LMLN: variants seen among roughly 807,000 people sequenced by gnomAD.
LMLN encodes the protein leishmanolysin like peptidase, also known as leishmanolysin-like peptidase.
A neutral mutation model predicts 92.3 loss-of-function variants in LMLN; 70 were observed. The observed-to-expected ratio is 0.76, with a 90% CI of 0.63 to 0.92. The LOEUF (loss-of-function observed/expected upper bound fraction) is 0.92, where lower values mean the gene tolerates loss of function less well. LMLN is among the 40% of genes least tolerant of loss of function. The pLI is 0.00. For synonymous variants in LMLN, 308 were observed against 296.2 expected (o/e 1.04, Z -0.41); for missense variants, 691 against 814.6 (o/e 0.85, Z 1.85).
At chr3:198,016,229 A>G (rs922401256) in intron 11 of LMLN, among the ~76,000 whole-genome samples, 3 of 151,426 alleles carry the variant, frequency 2.0e-5, no homozygotes, top group African/African-American at 7.3e-5. Flanking sequence ...AGAAAATACT[A>G]TTCTCATCTT....
exon 16 of LMLN, chr3:198,040,244 C>G (rs1023439376): frequency 6.6e-6 from 1 of 152,204 alleles, no homozygotes. Flanking sequence ...TTAAGTAAGA[C>G]TCAGTCCACA....
intron 11 of LMLN, among the ~76,000 whole-genome samples, chr3:198,005,627 T>G (rs1052664926): frequency 6.7e-6 from 1 of 149,778 alleles, no homozygotes; most frequent in Admixed American, 6.6e-5. Context: ...TTTTCTTTTC[T>G]TTTTCTTTTT....
chr3:198,033,039 C>G (rs2109955210), intron 14 of LMLN, among the ~76,000 whole-genome samples: 1 of 152,302 alleles, frequency 6.6e-6, no homozygotes, highest in South Asian at 2.1e-4. Flanking sequence ...TTTGATCCAG[C>G]TTTCCTGAGT....
chr3:197,980,477 A>G (rs200484967), exon 6 of LMLN: 31 of 1,613,818 alleles, frequency 1.9e-5, no homozygotes, highest in Admixed American at 1.7e-4. Flanking sequence ...TATGCAGCCT[A>G]TTGTCAGCAG....
At chr3:197,989,056 A>T (rs79691209) in intron 8 of LMLN, among the ~76,000 whole-genome samples, 230 of 152,200 alleles carry the variant, frequency 1.5e-3, no homozygotes, top group African/African-American at 5.1e-3. Context: ...TCTCTTGTAG[A>T]TATATAGTTA....
intron 14 of LMLN, among the ~76,000 whole-genome samples, chr3:198,034,572 C>A (rs1232747195): frequency 6.6e-6 from 1 of 152,064 alleles, no homozygotes; most frequent in Non-Finnish European, 1.5e-5. Context: ...GATCATGCCA[C>A]TGCACTCCAG....
In LMLN at chr3:197,972,704, T is replaced by G. The variant is rs1052734802; in HGVS notation, c.220-1673T>G. On this transcript the variant is annotated intron_variant, in intron 1 of 15. Transcript: ENST00000330198. Reference sequence around the variant, plus strand: ...ATTCTGTTGTATTTCTCTGAATAATTTTTTTTTTTTTGTAGCTGGCGTTTA... The same window carrying G: ...ATTCTGTTGTATTTCTCTGAATAATGTTTTTTTTTTTGTAGCTGGCGTTTA... 6.2e-5 allele frequency among the ~76,000 whole-genome samples: 8 copies of G among 129,708 alleles called. No homozygotes were observed. The South Asian group carries it at 1.8e-3, about 28-fold the overall frequency. 85.1% of individuals were successfully genotyped at this position (129,708 alleles called of 152,430 possible).
At chr3:198,026,216 A>G (rs1722927803) in intron 14 of LMLN, among the ~76,000 whole-genome samples, 1 of 152,112 alleles carries the variant, frequency 6.6e-6, no homozygotes, top group African/African-American at 2.4e-5. Context: ...TCAGCCTCCC[A>G]AAGTGCTGGG....
chr3:197,975,970 A>T, intron 3 of LMLN, 59 bp from the exon 4 acceptor site: 2 of 1,047,340 alleles, frequency 1.9e-6, no homozygotes, highest in Non-Finnish European at 2.8e-6. Flanking sequence ...TGCTTCTTTT[A>T]AATATAATTT....
chr3:198,022,966 G>T (rs899718382), intron 13 of LMLN, among the ~76,000 whole-genome samples: 6 of 152,184 alleles, frequency 3.9e-5, no homozygotes, highest in Non-Finnish European at 7.3e-5. Context: ...ATTTGCCAGA[G>T]ATGTACTATC....
At chr3:197,976,533 G>C (rs1476367716) in intron 4 of LMLN, 65 bp from the exon 5 acceptor site, 2 of 902,686 alleles carry the variant, frequency 2.2e-6, no homozygotes, top group African/African-American at 3.4e-5. Flanking sequence ...TGGTTTCCAT[G>C]TTTTTAACTG....
intron 9 of LMLN, among the ~76,000 whole-genome samples, chr3:197,991,559 G>A (rs1043641221): frequency 6.6e-5 from 10 of 152,114 alleles, no homozygotes; most frequent in African/African-American, 2.4e-4. Context: ...GTCAGTCTTT[G>A]TTCTCTTCCG....
At chr3:198,041,977 T>G (rs753627716) in exon 16 of LMLN, 15 of 152,220 alleles carry the variant, frequency 9.9e-5, no homozygotes, top group Non-Finnish European at 2.1e-4. Flanking sequence ...GAAAATATTA[T>G]AGATGACATT....
At chr3:198,029,531 G>A (rs1237309220) in intron 14 of LMLN, among the ~76,000 whole-genome samples, 1 of 152,084 alleles carries the variant, frequency 6.6e-6, no homozygotes, top group Non-Finnish European at 1.5e-5. Context: ...AATTAGCCGG[G>A]CATGGTGGCC....
intron 10 of LMLN, among the ~76,000 whole-genome samples, chr3:197,997,040 C>CTTTTCT (rs373634190): frequency 7.8e-6 from 1 of 127,918 alleles, no homozygotes; most frequent in African/African-American, 3.2e-5. Flanking sequence ...CTTTTCTTTT[C>CTTTTCT]TTTCTTTCTT....
exon 16 of LMLN, chr3:198,041,734 C>T (rs1723409804): frequency 6.6e-6 from 1 of 152,076 alleles, no homozygotes; most frequent in Admixed American, 6.5e-5. Flanking sequence ...TAAACATATA[C>T]TTCTTATGAT....
chr3:198,027,746 C>G (rs1012446486), intron 14 of LMLN, among the ~76,000 whole-genome samples: 2 of 152,144 alleles, frequency 1.3e-5, no homozygotes, highest in Non-Finnish European at 2.9e-5. Context: ...GGATCTGTCA[C>G]GTTTTGAATC....
chr3:198,033,053 T>C (rs1003696960), intron 14 of LMLN, among the ~76,000 whole-genome samples: 2 of 152,184 alleles, frequency 1.3e-5, no homozygotes, highest in African/African-American at 2.4e-5. Context: ...CCTGAGTCTG[T>C]TATGTCTGCT....
At position 198,019,135 on chromosome 3, in the gene LMLN, T is replaced by C; in HGVS notation, c.1233-118T>C. ...CATCTCTTTCCAAGAATCCCATTTG[T>C]TAATTATGAAGGTTTGTATTTTTAG... On this transcript the variant is annotated intron_variant, in intron 11 of 15. Coordinates refer to ENST00000330198, the Ensembl canonical transcript of LMLN. The surrounding 1 kb of genome is among the most constrained non-coding windows in gnomAD (Gnocchi z 5.5). The C allele has an allele frequency of 1.0e-6, 1 of 981,488 alleles. No individual in the cohort carries two copies. The highest frequency in any genetic ancestry group is 1.5e-6 in the Non-Finnish European group (1 of 675,848). The allele number at this position is 981,488 out of a possible 1,614,324, so 60.8% of individuals were successfully genotyped here.
Sources: gnomAD v4.1 joint callset for allele counts (sites outside exome capture counted in the v4.1 genomes callset) on GRCh38, gnomAD v4.1.1 for gene constraint, Gnocchi (gnomAD v3.1) non-coding constraint, MANE v1.5 for transcripts, NCBI Gene and HGNC (gene_info 2026-07-23, HGNC 2026-07-21) for gene names.